The following JAKMIP3 variants were observed in gnomAD, a reference collection of about 807,000 sequenced individuals.
JAKMIP3 encodes the protein janus kinase and microtubule-interacting protein 3.
A neutral mutation model predicts 118.5 loss-of-function variants in JAKMIP3; 58 were observed. The observed-to-expected ratio is 0.49, with a 90% CI of 0.40 to 0.61. The LOEUF (loss-of-function observed/expected upper bound fraction) is 0.61. Among genes scored for constraint, JAKMIP3 ranks in the 20% least tolerant of loss-of-function variants. The pLI, the probability that JAKMIP3 is intolerant of heterozygous loss-of-function variation, is 0.00. For missense variants in JAKMIP3, 950 were observed against 1,109.0 expected (o/e 0.86, Z 2.04); for synonymous variants, 486 against 451.2 (o/e 1.08, Z -0.98).
chr10:132,078,824 C>T (rs1288044073), intron 1 of JAKMIP3, among the ~76,000 whole-genome samples: 1 of 152,220 alleles, frequency 6.6e-6, no homozygotes, highest in African/African-American at 2.4e-5. Context: ...GAACCTCCCC[C>T]GAGCGTGTTC....
intron 23 of JAKMIP3, among the ~76,000 whole-genome samples, chr10:132,173,808 CTGTGGTATGTTCAT>C (rs752593032): frequency 0.014 from 112 of 8,074 alleles, 10 homozygotes; most frequent in African/African-American, 0.052. Context: ...GTGTGGTGGC[CTGTGGTATGTTCAT>C]GGTGGTGTGT....
chr10:132,093,746 G>T (rs1490182575), intron 1 of JAKMIP3, among the ~76,000 whole-genome samples: 1 of 151,910 alleles, frequency 6.6e-6, no homozygotes, highest in Non-Finnish European at 1.5e-5. Context: ...CCACTGTCCT[G>T]CCCCCACTGT....
At chr10:132,108,978 C>CGCAAATGTATATATACATATACAT (rs2046360118) in intron 2 of JAKMIP3, among the ~76,000 whole-genome samples, 4 of 147,394 alleles carry the variant, frequency 2.7e-5, no homozygotes, top group Non-Finnish European at 6.0e-5. Context: ...AAATTATATA[C>CGCAAATGTATATATACATATACAT]GCAAATGTAT....
chr10:132,172,237 TG>T (rs2059561420), intron 23 of JAKMIP3, among the ~76,000 whole-genome samples: 2 of 152,214 alleles, frequency 1.3e-5, no homozygotes, highest in South Asian at 4.1e-4. Context: ...ATAATGCATC[TG>T]GGGGGCATGC....
At chr10:132,152,195 CT>C (rs1313463063) in intron 16 of JAKMIP3, among the ~76,000 whole-genome samples, 1 of 152,214 alleles carries the variant, frequency 6.6e-6, no homozygotes, top group African/African-American at 2.4e-5. Context: ...TGACTCCCCC[CT>C]GTGGGAGACC....
Position 132,168,797 on chromosome 10 carries a change from T to G in JAKMIP3, c.*867T>G. On this transcript the variant is annotated 3_prime_UTR_variant, in exon 23 of 24. Coordinates refer to ENST00000684848, the MANE Select transcript of JAKMIP3 (RefSeq NM_001323087.2). ...TGCCAGAGGCTGCCTCCATAGTGAA[T>G]CTCCAGAAGTCACAGAGGCCCTGGG... The G allele has an allele frequency of 4.5e-6, 1 of 221,200 alleles. No homozygotes were observed. Among genetic ancestry groups the G allele is most frequent in the East Asian group, 1.5e-4 (1 of 6,684 alleles). 13.7% of individuals were successfully genotyped at this position (221,200 alleles called of 1,614,324 possible).
chr10:132,133,217 CAG>C, intron 3 of JAKMIP3, 93 bp from the exon 4 acceptor site: 1 of 1,108,142 alleles, frequency 9.0e-7, no homozygotes, highest in Non-Finnish European at 1.3e-6. Flanking sequence ...CTTCCGGTCT[CAG>C]AGCCCAGAGC....
chr10:132,176,863 G>A (rs557404110), intron 23 of JAKMIP3, among the ~76,000 whole-genome samples: 1 of 152,028 alleles, frequency 6.6e-6, no homozygotes, highest in East Asian at 1.9e-4. Context: ...CTGGTGCCGC[G>A]ACTCCTCATG....
At chr10:132,066,466 A>G (rs1397788844) in intron 1 of JAKMIP3, among the ~76,000 whole-genome samples, 1 of 152,166 alleles carries the variant, frequency 6.6e-6, no homozygotes, top group Non-Finnish European at 1.5e-5. Flanking sequence ...AGCACCAGAG[A>G]GCTGTCTGCA....
intron 1 of JAKMIP3, among the ~76,000 whole-genome samples, chr10:132,042,697 C>T (rs879455999): frequency 5.9e-5 from 9 of 152,100 alleles, no homozygotes; most frequent in Admixed American, 3.3e-4. Flanking sequence ...TTGGAGAGCC[C>T]GTCTGTTCCT....
At chr10:132,102,853 GC>G (rs1211185507) in intron 1 of JAKMIP3, among the ~76,000 whole-genome samples, 1 of 152,146 alleles carries the variant, frequency 6.6e-6, no homozygotes, top group Non-Finnish European at 1.5e-5. Flanking sequence ...TAAATAGGGG[GC>G]TGGAGACAGA....
At chr10:132,080,007 G>A (rs1006077622) in intron 1 of JAKMIP3, among the ~76,000 whole-genome samples, 3 of 152,186 alleles carry the variant, frequency 2.0e-5, no homozygotes, top group Non-Finnish European at 2.9e-5. Context: ...TCCAGACCCC[G>A]CTTTCAATTC....
chr10:132,150,678 A>G lies in JAKMIP3; in HGVS notation c.2007+637A>G, dbSNP rs188616028. On this transcript the variant is annotated intron_variant, in intron 16 of 23. Coordinates refer to ENST00000684848, the MANE Select transcript of JAKMIP3 (RefSeq NM_001323087.2). Reference sequence around the variant, plus strand: ...ATAATCCATGTATCCATCCTCCACAATTCATTTATCCGTCCTCCATAATCC... The same window carrying G: ...ATAATCCATGTATCCATCCTCCACAGTTCATTTATCCGTCCTCCATAATCC... Among the ~76,000 whole-genome samples the G allele has an allele frequency of 1.3e-3, 190 of 151,812 alleles. 4 individuals carry two copies. In the South Asian group the frequency reaches 0.036, roughly 29 times the overall value.
chr10:132,046,911 T>C (rs542225394), intron 1 of JAKMIP3, among the ~76,000 whole-genome samples: 1 of 152,296 alleles, frequency 6.6e-6, no homozygotes, highest in Non-Finnish European at 1.5e-5. Flanking sequence ...TTAGTTGAGG[T>C]CTTGCTCTGT....
rs1003884266 is a variant in JAKMIP3 at position 132,049,741 on chromosome 10, C to T, written c.-138+13003C>T. ...TCAAGTGATCCTCCCACCTTGGCCTCCCAAAGTGCTGGGATTACAGGAGTG... is the reference window on the plus strand; with the variant it reads ...TCAAGTGATCCTCCCACCTTGGCCTTCCAAAGTGCTGGGATTACAGGAGTG... On this transcript the variant is annotated intron_variant, in intron 1 of 23. Coordinates refer to the JAKMIP3 transcript ENST00000657785. The surrounding 1 kb of genome is among the most constrained non-coding windows in gnomAD (Gnocchi z 4.3). 1.3e-5 allele frequency among the ~76,000 whole-genome samples: 2 copies of T among 152,124 alleles called. No individual in the cohort carries two copies. Among genetic ancestry groups the T allele is most frequent in the Non-Finnish European group, 2.9e-5 (2 of 68,026 alleles).
intron 1 of JAKMIP3, among the ~76,000 whole-genome samples, chr10:132,037,053 C>T (rs2037530308): frequency 6.6e-6 from 1 of 152,218 alleles, no homozygotes; most frequent in Non-Finnish European, 1.5e-5. Context: ...ATCTCCGTGT[C>T]TCCGACTGTG....
At chr10:132,080,739 C>T (rs772528893) in intron 1 of JAKMIP3, among the ~76,000 whole-genome samples, 13 of 151,678 alleles carry the variant, frequency 8.6e-5, no homozygotes, top group African/African-American at 1.5e-4. Flanking sequence ...GGGCTGGTCT[C>T]GAACTCCCAA....
At position 132,112,903 on chromosome 10, in the gene JAKMIP3, C is replaced by G. The variant is rs1283655736; in HGVS notation, c.136-4174C>G. On this transcript the variant is annotated intron_variant, in intron 2 of 23. Coordinates refer to ENST00000684848, the MANE Select transcript of JAKMIP3 (RefSeq NM_001323087.2). The surrounding 1 kb of genome is among the most constrained non-coding windows in gnomAD (Gnocchi z 4.3). ...TGTCTTTCCCTTCTGCCCCCTTTGG[C>G]TGCTCCATTCTTTCCTACTCCTTAG... Among the ~76,000 whole-genome samples the G allele has an allele frequency of 6.6e-6, 1 of 152,182 alleles. No homozygotes were observed. The highest frequency in any genetic ancestry group is 1.5e-5 in the Non-Finnish European group (1 of 68,034).
intron 13 of JAKMIP3, among the ~76,000 whole-genome samples, chr10:132,146,070 A>G (rs1237792970): frequency 6.6e-6 from 1 of 152,098 alleles, no homozygotes; most frequent in African/African-American, 2.4e-5. Context: ...GTCACCTGGC[A>G]GGCCCAGGTC....
Sources: allele counts gnomAD v4.1 joint callset (sites outside exome capture counted in the v4.1 genomes callset), GRCh38; gene constraint gnomAD v4.1.1; non-coding constraint Gnocchi (gnomAD v3.1); transcripts MANE v1.5; gene names NCBI Gene and HGNC (gene_info 2026-07-23, HGNC 2026-07-21).